Variants in SYN3 observed in about 807,000 individuals in gnomAD.
SYN3 encodes synapsin-3.
In SYN3, 35 loss-of-function variants were observed where a neutral mutation model predicts 65.8. The observed-to-expected ratio is 0.53, with a 90% CI of 0.41 to 0.70. The LOEUF (loss-of-function observed/expected upper bound fraction) is 0.70, where lower values mean the gene tolerates loss of function less well. Among genes scored for constraint, SYN3 ranks in the 30% least tolerant of loss-of-function variants. SYN3 has a pLI of 0.00. For synonymous variants in SYN3, 270 were observed against 292.9 expected, an observed-to-expected ratio of 0.92 and a Z score of 0.80; for missense variants, 680 against 749.0, an observed-to-expected ratio of 0.91 and a Z score of 1.08.
rs1569043220 is a variant in SYN3 at position 32,564,978 on chromosome 22, T to TGGACTGCACCCAAACAGTGCTCCC, written c.775-23289_775-23266dup. Among the ~76,000 whole-genome samples, 22 of 49,054 alleles carry TGGACTGCACCCAAACAGTGCTCCC rather than the reference T, an allele frequency of 4.5e-4. 1 individual carries two copies. The highest frequency in any genetic ancestry group is 9.1e-4 in the Admixed American group (4 of 4,408). The allele number at this position is 49,054 out of a possible 152,430, so 32.2% of individuals were successfully genotyped here. A position where few individuals can be genotyped will look rare whatever the true frequency, so the allele number is the denominator to read the frequency against. On this transcript the variant is annotated intron_variant, in intron 7 of 13. Transcript: ENST00000358763. ...CTGGACTGCACCCAAACAGTGCTCC[T>TGGACTGCACCCAAACAGTGCTCCC]GGACTGCACCCAAACAGTGCTCCCG... is the stretch of plus-strand genomic sequence containing the variant.
chr22:32,966,441 G>A (rs2051847762), intron 3 of SYN3, among the ~76,000 whole-genome samples: 1 of 152,138 alleles, frequency 6.6e-6, no homozygotes, highest in South Asian at 2.1e-4. Context: ...GGGAGGAGAT[G>A]AGCAAGGAAA....
chr22:32,790,224 G>C (rs570739591), intron 6 of SYN3, among the ~76,000 whole-genome samples: 6 of 152,042 alleles, frequency 3.9e-5, no homozygotes, highest in Non-Finnish European at 7.3e-5. Context: ...AAGTTACCAA[G>C]GTAATGTTCC....
intron 6 of SYN3, among the ~76,000 whole-genome samples, chr22:32,727,191 T>C (rs2061207875): frequency 6.6e-6 from 1 of 152,132 alleles, no homozygotes; most frequent in South Asian, 2.1e-4. Context: ...CCATGTGTCC[T>C]TGTGTTCTCA....
intron 6 of SYN3, among the ~76,000 whole-genome samples, chr22:32,674,674 T>C (rs1051460522): frequency 4.6e-5 from 7 of 152,184 alleles, no homozygotes; most frequent in African/African-American, 1.7e-4. Flanking sequence ...GTGTCTAAGA[T>C]GGTGCAGATG....
intron 3 of SYN3, among the ~76,000 whole-genome samples, chr22:32,977,733 A>C (rs1601827176): frequency 1.5e-5 from 2 of 137,648 alleles, no homozygotes; most frequent in Non-Finnish European, 3.1e-5. Context: ...ACAGGGTGAG[A>C]CTGTCTCCAA....
intron 2 of SYN3, among the ~76,000 whole-genome samples, chr22:33,002,293 T>C (rs2053082118): frequency 6.6e-6 from 1 of 152,224 alleles, no homozygotes. Flanking sequence ...GTCAGACTGA[T>C]GGTCTGAATC....
chr22:32,559,832 C>CAAAA (rs35916830), intron 7 of SYN3, among the ~76,000 whole-genome samples: 8 of 95,808 alleles, frequency 8.4e-5, no homozygotes, highest in Non-Finnish European at 1.5e-4. Flanking sequence ...TCCGTCTCAA[C>CAAAA]AAAAAAAAAA....
chr22:32,950,762 G>A (rs533880548), intron 3 of SYN3, among the ~76,000 whole-genome samples: 7 of 152,176 alleles, frequency 4.6e-5, no homozygotes, highest in Non-Finnish European at 1.0e-4. Flanking sequence ...CCCAGATTTA[G>A]CAGAGGAACT....
intron 1 of SYN3, among the ~76,000 whole-genome samples, chr22:33,032,317 G>A (rs182015020): frequency 7.1e-4 from 108 of 152,150 alleles, no homozygotes; most frequent in Admixed American, 6.1e-3. Flanking sequence ...AGACCAGCCT[G>A]GCCAACATGG....
At chr22:32,571,726 C>T (rs1402441987) in intron 7 of SYN3, among the ~76,000 whole-genome samples, 2 of 152,180 alleles carry the variant, frequency 1.3e-5, no homozygotes, top group Non-Finnish European at 2.9e-5. Context: ...TCTCTGCCAG[C>T]CTTCCTAAGA....
chr22:32,622,106 C>G (rs968445684), intron 6 of SYN3, among the ~76,000 whole-genome samples: 2 of 151,976 alleles, frequency 1.3e-5, no homozygotes, highest in Non-Finnish European at 2.9e-5. Flanking sequence ...GCTTACAGTC[C>G]GCACAGCTGG....
chr22:33,056,820 T>C (rs1569426382), intron 1 of SYN3, among the ~76,000 whole-genome samples: 1 of 149,524 alleles, frequency 6.7e-6, no homozygotes, highest in East Asian at 2.0e-4. Flanking sequence ...TTCTTTCTAC[T>C]ACACCAATCT....
chr22:32,916,112 C>T (rs535765659), intron 4 of SYN3, among the ~76,000 whole-genome samples: 1 of 152,300 alleles, frequency 6.6e-6, no homozygotes, highest in East Asian at 1.9e-4. Context: ...GACCACATGG[C>T]TGTGAGGAAG....
chr22:32,859,108 C>G (rs1569281518), intron 6 of SYN3: 1 of 1,545,916 alleles, frequency 6.5e-7, no homozygotes, highest in East Asian at 2.2e-5. Context: ...GGTCTGAATC[C>G]AGGCTCGGTA....
intron 4 of SYN3, among the ~76,000 whole-genome samples, chr22:32,897,073 T>G (rs145583184): frequency 1.8e-4 from 27 of 152,254 alleles, no homozygotes; most frequent in African/African-American, 6.5e-4. Flanking sequence ...TTTGAGTCTC[T>G]AAAGTTACCG....
At chr22:32,986,492 T>C (rs1348091622) in intron 2 of SYN3, among the ~76,000 whole-genome samples, 3 of 152,194 alleles carry the variant, frequency 2.0e-5, no homozygotes, top group Admixed American at 6.5e-5. Flanking sequence ...TCCCCCCGCC[T>C]GGCTGCAAGT....
At chr22:32,844,703 T>C (rs1316807316) in intron 6 of SYN3, among the ~76,000 whole-genome samples, 1 of 151,836 alleles carries the variant, frequency 6.6e-6, no homozygotes, top group Admixed American at 6.6e-5. Flanking sequence ...TCCTTGTTTC[T>C]TCTTCTTCCT....
At chr22:32,525,978 G>C (rs2057970156) in intron 12 of SYN3, among the ~76,000 whole-genome samples, 1 of 152,080 alleles carries the variant, frequency 6.6e-6, no homozygotes, top group Non-Finnish European at 1.5e-5. Context: ...TCAACAACCA[G>C]TACCCTGATC....
At chr22:32,992,395 T>C (rs530403065) in intron 2 of SYN3, among the ~76,000 whole-genome samples, 6 of 152,374 alleles carry the variant, frequency 3.9e-5, no homozygotes, top group South Asian at 4.1e-4. Flanking sequence ...ATTTTCTGTA[T>C]ACTGAGCTTA....
Sources: allele counts gnomAD v4.1 joint callset (sites outside exome capture counted in the v4.1 genomes callset), GRCh38; gene constraint gnomAD v4.1.1; transcripts MANE v1.5; gene names NCBI Gene and HGNC (gene_info 2026-07-23, HGNC 2026-07-21).